Variants in AVEN observed in about 807,000 individuals in gnomAD.
The protein encoded by AVEN is apoptosis and caspase activation inhibitor.
Under a neutral mutation model 38.1 loss-of-function variants are expected in AVEN, and 41 were observed. That is an observed-to-expected ratio of 1.08 (90% CI 0.84 to 1.40). The LOEUF (loss-of-function observed/expected upper bound fraction) is 1.40, where lower values mean the gene tolerates loss of function less well. Among genes scored for constraint, AVEN ranks in the 40% most tolerant of loss-of-function variants. AVEN has a pLI of 0.00. For synonymous variants in AVEN, 206 were observed against 171.8 expected, an observed-to-expected ratio of 1.20 and a Z score of -1.56; for missense variants, 605 against 438.8, an observed-to-expected ratio of 1.38 and a Z score of -3.38.
chr15:33,934,937 T>C (rs8031951), intron 2 of AVEN, among the ~76,000 whole-genome samples: 61 of 152,202 alleles, frequency 4.0e-4, no homozygotes, highest in African/African-American at 1.4e-3. Context: ...GTAAAGGAGA[T>C]AGCACACTGC....
chr15:33,883,690 A>C (rs1323451896), intron 2 of AVEN: 2 of 152,224 alleles, frequency 1.3e-5, no homozygotes, highest in Non-Finnish European at 2.9e-5. Flanking sequence ...TGTGGGATTG[A>C]AGGAAACTTT....
intron 2 of AVEN, among the ~76,000 whole-genome samples, chr15:33,926,093 T>C (rs192607418): frequency 6.6e-6 from 1 of 152,290 alleles, no homozygotes; most frequent in Non-Finnish European, 1.5e-5. Context: ...ATCACCTCTA[T>C]ATATCCATAA....
chr15:33,944,807 T>C (rs933084178), intron 2 of AVEN, among the ~76,000 whole-genome samples: 4 of 149,786 alleles, frequency 2.7e-5, no homozygotes, highest in African/African-American at 9.8e-5. Context: ...AGACTCAGTC[T>C]CGAAAAAAAA....
chr15:33,944,387 T>G (rs1319627464), intron 2 of AVEN, among the ~76,000 whole-genome samples: 4 of 152,250 alleles, frequency 2.6e-5, no homozygotes, highest in African/African-American at 9.6e-5. Flanking sequence ...TTCACAGTTC[T>G]CCTTAATTAC....
intron 2 of AVEN, among the ~76,000 whole-genome samples, chr15:33,954,173 G>C (rs556209276): frequency 1.2e-4 from 19 of 152,326 alleles, no homozygotes; most frequent in African/African-American, 4.6e-4. Context: ...AGAGGATGTG[G>C]AAAAATAGGA....
chr15:33,977,382 TATC>T (rs1895930166), intron 2 of AVEN, among the ~76,000 whole-genome samples: 2 of 152,164 alleles, frequency 1.3e-5, no homozygotes, highest in Non-Finnish European at 2.9e-5. Flanking sequence ...ATCCTCCCCT[TATC>T]ATCTCCTCCT....
At chr15:33,921,012 G>A in intron 2 of AVEN, among the ~76,000 whole-genome samples, 1 of 149,926 alleles carries the variant, frequency 6.7e-6, no homozygotes, top group Non-Finnish European at 1.5e-5. Context: ...CGGAGCTCAA[G>A]TAAGCCACCC....
intron 1 of AVEN, among the ~76,000 whole-genome samples, chr15:34,071,873 A>G (rs1435306997): frequency 6.6e-6 from 1 of 152,258 alleles, no homozygotes; most frequent in Non-Finnish European, 1.5e-5. Context: ...GGACTTATCA[A>G]TAAGAGTCAG....
chr15:33,881,371 C>T (rs569043152), intron 2 of AVEN, among the ~76,000 whole-genome samples: 1 of 151,650 alleles, frequency 6.6e-6, no homozygotes, highest in South Asian at 2.1e-4. Context: ...AGGTATGAGA[C>T]ACTGCATGTG....
chr15:33,874,580 C>T (rs1287227152), intron 3 of AVEN, among the ~76,000 whole-genome samples: 1 of 152,144 alleles, frequency 6.6e-6, no homozygotes, highest in Admixed American at 6.5e-5. Context: ...TCATTCATCA[C>T]ACCCCTTATT....
intron 1 of AVEN, among the ~76,000 whole-genome samples, chr15:34,007,991 A>T (rs929064118): frequency 1.3e-5 from 2 of 152,254 alleles, no homozygotes; most frequent in Non-Finnish European, 2.9e-5. Context: ...GTAAGACCTT[A>T]CTTTATCTTT....
At chr15:33,975,273 A>C (rs1316619721) in intron 2 of AVEN, among the ~76,000 whole-genome samples, 1 of 152,166 alleles carries the variant, frequency 6.6e-6, no homozygotes, top group African/African-American at 2.4e-5. Context: ...CAAGTTTTTG[A>C]TTCCATATAG....
At chr15:34,029,276 T>C (rs1183766861) in intron 1 of AVEN, among the ~76,000 whole-genome samples, 4 of 152,298 alleles carry the variant, frequency 2.6e-5, no homozygotes, top group Admixed American at 2.6e-4. Context: ...TCAACATGTA[T>C]GTTTAATTTT....
intron 2 of AVEN, among the ~76,000 whole-genome samples, chr15:33,961,761 C>T (rs1206469535): frequency 1.9e-4 from 25 of 129,336 alleles, no homozygotes; most frequent in South Asian, 2.3e-4. Context: ...TGCAGTGAGC[C>T]GAGATCGCGC....
intron 5 of AVEN, among the ~76,000 whole-genome samples, chr15:34,051,174 A>G (rs1899914115): frequency 6.6e-6 from 1 of 152,250 alleles, no homozygotes; most frequent in Non-Finnish European, 1.5e-5. Flanking sequence ...ATCAAATTAG[A>G]ACTCAAGATT....
chr15:33,923,461 G>T (rs1398596782), intron 2 of AVEN, among the ~76,000 whole-genome samples: 5 of 152,138 alleles, frequency 3.3e-5, no homozygotes, highest in African/African-American at 1.2e-4. Flanking sequence ...AGTTACAAAC[G>T]TAGAGCTGAG....
intron 2 of AVEN, among the ~76,000 whole-genome samples, chr15:33,921,286 G>T (rs1893385596): frequency 6.6e-6 from 1 of 152,154 alleles, no homozygotes; most frequent in Non-Finnish European, 1.5e-5. Context: ...CCACCCTGAA[G>T]GAGCTCATGA....
chr15:33,877,636 G>A (rs1049702636), intron 2 of AVEN, among the ~76,000 whole-genome samples: 5 of 152,150 alleles, frequency 3.3e-5, no homozygotes, highest in Admixed American at 2.0e-4. Flanking sequence ...CCAACATGGT[G>A]AAACCTCATC....
chr15:33,964,941 T>G (rs1895330902), intron 2 of AVEN, among the ~76,000 whole-genome samples: 1 of 152,194 alleles, frequency 6.6e-6, no homozygotes, highest in Non-Finnish European at 1.5e-5. Flanking sequence ...GTAGGCAATC[T>G]TACTGGACTT....
Sources: allele counts gnomAD v4.1 joint callset (sites outside exome capture counted in the v4.1 genomes callset), GRCh38; gene constraint gnomAD v4.1.1; transcripts MANE v1.5; gene names NCBI Gene and HGNC (gene_info 2026-07-23, HGNC 2026-07-21).